Variants in UGT1A3 observed in about 807,000 individuals in gnomAD.
UGT1A3 encodes UDP glucuronosyltransferase family 1 member A3.
UGT1A3 carries 31 observed loss-of-function variants against 41.0 expected under a neutral mutation model. The observed-to-expected ratio is 0.76, with a 90% CI of 0.57 to 1.02. The LOEUF is 1.02. Among genes scored for constraint, UGT1A3 ranks in the 50% least tolerant of loss-of-function variants. The pLI is 0.00. For missense variants in UGT1A3, 737 were observed against 671.0 expected, an observed-to-expected ratio of 1.10 and a Z score of -1.09; for synonymous variants, 262 against 257.6, an observed-to-expected ratio of 1.02 and a Z score of -0.17.
chr2:233,743,915 A>G (rs769255302), intron 1 of UGT1A3: 3 of 1,364,544 alleles, frequency 2.2e-6, no homozygotes, highest in East Asian at 4.6e-5. Flanking sequence ...GTAGTCCACC[A>G]TGCTGGATGG....
intron 1 of UGT1A3, chr2:233,750,662 C>T (rs1387659754): frequency 7.0e-6 from 1 of 143,446 alleles, no homozygotes; most frequent in Non-Finnish European, 1.5e-5. Context: ...ACTTGGTGCC[C>T]TGTGTCCCAG....
At chr2:233,738,080 T>G (rs527833825) in intron 1 of UGT1A3, among the ~76,000 whole-genome samples, 181 of 152,280 alleles carry the variant, frequency 1.2e-3, no homozygotes, top group African/African-American at 4.2e-3. Context: ...CCTCCTAATC[T>G]CATCATAGTG....
intron 1 of UGT1A3, among the ~76,000 whole-genome samples, chr2:233,752,060 G>T (rs1330346161): frequency 6.6e-6 from 1 of 152,256 alleles, no homozygotes; most frequent in East Asian, 1.9e-4. Context: ...ATGATTTCCC[G>T]AGATGGGGAA....
At chr2:233,766,896 A>G (rs1384164988) in intron 1 of UGT1A3, 138 bp from the exon 2 acceptor site, 7 of 1,480,032 alleles carry the variant, frequency 4.7e-6, no homozygotes, top group Non-Finnish European at 6.2e-6. Context: ...TTACATATTA[A>G]TAATTTTTTA....
rs760379481 is a variant in UGT1A3 at position 233,729,213 on chromosome 2, A to G, written c.87A>G (p.Gly29=). 6.8e-6 allele frequency: 11 copies of G among 1,613,914 alleles called. No individual in the cohort carries two copies. Among genetic ancestry groups the G allele is most frequent in the Non-Finnish European group, 8.5e-6 (10 of 1,179,956 alleles). ...LLSVQPWAES[G]KVLVVPIDGS... The stretch of plus-strand genomic sequence containing the variant: ...GTGTCCAGCCCTGGGCTGAGAGTGG[A>G]AAGGTGTTGGTGGTGCCCATTGATG... The change falls in exon 1 of 5, where the codon GGA becomes GGG. Residue 29 remains glycine (G), a synonymous_variant. Coordinates refer to ENST00000482026, the MANE Select transcript of UGT1A3 (RefSeq NM_019093.4).
chr2:233,747,346 G>A (rs1006096980), intron 1 of UGT1A3: 37 of 1,603,044 alleles, frequency 2.3e-5, no homozygotes, highest in African/African-American at 1.5e-4. Context: ...GCTCGCATGC[G>A]GGAGGCCGTG....
intron 1 of UGT1A3, among the ~76,000 whole-genome samples, chr2:233,730,325 C>G (rs532901219): frequency 2.0e-5 from 3 of 152,132 alleles, no homozygotes; most frequent in Non-Finnish European, 4.4e-5. Flanking sequence ...AACAGGGACA[C>G]TACGTTTGGA....
intron 1 of UGT1A3, among the ~76,000 whole-genome samples, chr2:233,739,404 C>T (rs1454262492): frequency 2.0e-5 from 3 of 152,174 alleles, no homozygotes; most frequent in Admixed American, 2.0e-4. Flanking sequence ...ATCAATGCCA[C>T]CCTCTGAAAG....
At chr2:233,764,986 G>A (rs1698720585) in intron 1 of UGT1A3, among the ~76,000 whole-genome samples, 1 of 152,106 alleles carries the variant, frequency 6.6e-6, no homozygotes. Flanking sequence ...CAGTGTCTGG[G>A]GCTTTCCTGG....
At chr2:233,753,320 G>A (rs1197807028) in intron 1 of UGT1A3, 1 of 152,228 alleles carries the variant, frequency 6.6e-6, no homozygotes, top group Non-Finnish European at 1.5e-5. Context: ...CTGTGGGATG[G>A]TGCCAGCTGA....
At position 233,768,425 on chromosome 2, in the gene UGT1A3, C is replaced by A. The variant is rs1021872145; in HGVS notation, c.1293C>A (p.Val431=). 5.0e-6 allele frequency: 8 copies of A among 1,613,756 alleles called. No individual in the cohort carries two copies. Among genetic ancestry groups the A allele is most frequent in the Non-Finnish European group, 5.9e-6 (7 of 1,179,962 alleles). Residue 431 remains valine, a synonymous_variant, in exon 4 of 5, where the codon GTC becomes GTA. Transcript: ENST00000482026. ...ATTTAGAAAATGCTCTAAAAGCAGTCATCAATGACAAAAGGTAAGAAAGAA... is the reference window on the plus strand; with the variant it reads ...ATTTAGAAAATGCTCTAAAAGCAGTAATCAATGACAAAAGGTAAGAAAGAA... The part of the protein sequence containing the change: ...SEDLENALKA[V]INDKSYKENI...
At chr2:233,749,246 T>A (rs765293150) in intron 1 of UGT1A3, among the ~76,000 whole-genome samples, 1 of 151,940 alleles carries the variant, frequency 6.6e-6, no homozygotes, top group East Asian at 1.9e-4. Flanking sequence ...TCAAACCACA[T>A]GATTTTTTTA....
At chr2:233,759,367 G>A (rs1697118309) in intron 1 of UGT1A3, among the ~76,000 whole-genome samples, 1 of 152,146 alleles carries the variant, frequency 6.6e-6, no homozygotes, top group Admixed American at 6.5e-5. Flanking sequence ...CTATAAAAAG[G>A]TACAGGTTTT....
Position 233,767,880 on chromosome 2 carries a change from C to A in UGT1A3, c.1031C>A (p.Ser344Ter), listed in dbSNP as rs144978321. 4.3e-6 allele frequency: 7 copies of A among 1,614,168 alleles called. No individual in the cohort carries two copies. Among genetic ancestry groups the A allele is most frequent in the Non-Finnish European group, 5.1e-6 (6 of 1,180,044 alleles). ...VLWRYTGTRP[S>*]NLANNTILVK... ...TGGCGGTACACTGGAACCCGACCAT[C>A]GAATCTTGCGAACAACACGATACTT... The change falls in exon 3 of 5, where the codon TCG (serine) becomes TAG (stop). Residue 344 changes from serine (S) to a stop codon, truncating the protein, a stop_gained. Coordinates refer to ENST00000482026, the MANE Select transcript of UGT1A3 (RefSeq NM_019093.4). LOFTEE classifies it high-confidence loss of function.
At position 233,767,472 on chromosome 2, in the gene UGT1A3, A is replaced by G. The variant is rs1018124; in HGVS notation, c.999+307A>G. 0.091 allele frequency among the ~76,000 whole-genome samples: 13,872 copies of G among 152,248 alleles called. 828 individuals carry two copies. The highest frequency in any genetic ancestry group is 0.2 in the East Asian group (1,015 of 5,184). On this transcript the variant is annotated intron_variant, in intron 2 of 4. Coordinates refer to ENST00000482026, the MANE Select transcript of UGT1A3 (RefSeq NM_019093.4). ...AATAAATGGGATATTGTTTCTTCAT[A>G]TTAAATAGAAGTATTTCTCCAAAAA...
At chr2:233,762,454 C>T (rs1698080898) in intron 1 of UGT1A3, among the ~76,000 whole-genome samples, 1 of 152,194 alleles carries the variant, frequency 6.6e-6, no homozygotes, top group African/African-American at 2.4e-5. Context: ...TGCCCACTTA[C>T]CGATAATGTC....
chr2:233,737,653 G>C (rs567057644), intron 1 of UGT1A3, among the ~76,000 whole-genome samples: 4 of 152,320 alleles, frequency 2.6e-5, no homozygotes, highest in African/African-American at 9.6e-5. Context: ...CATGCTGGGA[G>C]CTGCAGATCG....
At chr2:233,754,596 T>C (rs1463963826) in intron 1 of UGT1A3, 2 of 431,834 alleles carry the variant, frequency 4.6e-6, no homozygotes, top group Non-Finnish European at 9.3e-6. Context: ...TGAAGGACTT[T>C]AACTCAACTC....
At chr2:233,755,164 G>C in intron 1 of UGT1A3, 1 of 1,277,322 alleles carries the variant, frequency 7.8e-7, no homozygotes, top group Non-Finnish European at 1.1e-6. Flanking sequence ...CTGTCCTCGG[G>C]GTTTTTGTCG....
Sources: allele counts gnomAD v4.1 joint callset (sites outside exome capture counted in the v4.1 genomes callset), GRCh38; gene constraint gnomAD v4.1.1; transcripts MANE v1.5; gene names NCBI Gene and HGNC (gene_info 2026-07-23, HGNC 2026-07-21).